Variants in CPS1 observed in about 807,000 individuals in gnomAD.
CPS1 encodes carbamoyl-phosphate synthase 1.
In CPS1, 109 loss-of-function variants were observed where a neutral mutation model predicts 174.6. The observed-to-expected ratio is 0.62, with a 90% CI of 0.53 to 0.73. CPS1 has a LOEUF of 0.73. Among genes scored for constraint, CPS1 ranks in the 30% least tolerant of loss-of-function variants. The pLI is 0.00. For synonymous variants in CPS1, 637 were observed against 632.0 expected, an observed-to-expected ratio of 1.01 and a Z score of -0.12; for missense variants, 1,689 against 1,821.9, an observed-to-expected ratio of 0.93 and a Z score of 1.33.
intron 1 of CPS1, among the ~76,000 whole-genome samples, chr2:210,489,976 T>G (rs6744045): frequency 2.0e-3 from 288 of 141,824 alleles, no homozygotes; most frequent in African/African-American, 7.5e-3. Flanking sequence ...CCAGCCTGGG[T>G]GACAGAGCGA....
chr2:210,621,998 C>T (rs1699544737), intron 21 of CPS1, among the ~76,000 whole-genome samples: 1 of 151,890 alleles, frequency 6.6e-6, no homozygotes, highest in African/African-American at 2.4e-5. Flanking sequence ...TCAGCAGTTT[C>T]CTCTACATCA....
Position 210,591,860 on chromosome 2 carries a change from C to A in CPS1, c.977C>A (p.Thr326Lys). The change falls in exon 10 of 38, where the codon ACA becomes AAA. Residue 326 changes from threonine to lysine, a missense_variant. Coordinates refer to ENST00000233072, the MANE Select transcript of CPS1 (RefSeq NM_001875.5). ...CAGAATCAGCCTGTTTTGAATATCA[C>A]AAACAAACAGGCTTTCATTACTGCT... ...RGQNQPVLNITNKQAFITAQN... is the reference protein window; with the variant it reads ...RGQNQPVLNIKNKQAFITAQN... 5 of 1,612,472 alleles carry A rather than the reference C, an allele frequency of 3.1e-6. No individual in the cohort carries two copies. The highest frequency in any genetic ancestry group is 4.2e-6 in the Non-Finnish European group (5 of 1,179,030).
chr2:210,482,615 G>A (rs1392072596), intron 1 of CPS1, among the ~76,000 whole-genome samples: 1 of 151,812 alleles, frequency 6.6e-6, no homozygotes, highest in Non-Finnish European at 1.5e-5. Flanking sequence ...ATCTTAATGT[G>A]ATTCTTTTGC....
chr2:210,519,658 C>G, intron 1 of CPS1: 1 of 646,350 alleles, frequency 1.5e-6, no homozygotes, highest in Non-Finnish European at 1.9e-6. Context: ...GCCTCGCTTG[C>G]ATCTAGACAC....
chr2:210,504,119 TA>T (rs1695217560), intron 1 of CPS1, among the ~76,000 whole-genome samples: 1 of 152,140 alleles, frequency 6.6e-6, no homozygotes, highest in South Asian at 2.1e-4. Context: ...TGCCAGGATA[TA>T]CCACTGTGCT....
intron 1 of CPS1, among the ~76,000 whole-genome samples, chr2:210,515,444 T>C (rs1695656975): frequency 6.6e-6 from 1 of 151,712 alleles, no homozygotes; most frequent in Non-Finnish European, 1.5e-5. Context: ...GATTGTGTGT[T>C]TCTAGGAATT....
Position 210,650,449 on chromosome 2 carries a change from A to G in CPS1, c.3480+11A>G, listed in dbSNP as rs777805663. The G allele has an allele frequency of 6.3e-7, 1 of 1,583,230 alleles. No homozygotes were observed. The highest frequency in any genetic ancestry group is 1.1e-5 in the South Asian group (1 of 90,378). On this transcript the variant is annotated intron_variant, in intron 28 of 37. Coordinates refer to ENST00000233072, the MANE Select transcript of CPS1 (RefSeq NM_001875.5). ...ACTAGAGTTTCTCAGGTAGTGTCCA[A>G]TTTCTTTGTAGTGACTGTTATCTCT...
At chr2:210,674,557 C>A in intron 34 of CPS1, 3 of 282,640 alleles carry the variant, frequency 1.1e-5, no homozygotes, top group Non-Finnish European at 2.0e-5. Context: ...TGGCTCCTAA[C>A]CCGCATATCT....
At chr2:210,613,558 A>ATGTG (rs144670698) in intron 20 of CPS1, among the ~76,000 whole-genome samples, 16 of 150,210 alleles carry the variant, frequency 1.1e-4, no homozygotes, top group African/African-American at 3.9e-4. Context: ...TGACATTCAT[A>ATGTG]TGTGTGTGTG....
intron 30 of CPS1, 147 bp downstream of exon 30, chr2:210,656,779 G>A (rs1700721925): frequency 1.5e-6 from 1 of 678,026 alleles, no homozygotes; most frequent in Admixed American, 2.6e-5. Flanking sequence ...CTTGCTCTGA[G>A]TCACCTGGGT....
chr2:210,555,625 G>T (rs978786577), upstream of CPS1: 1 of 455,490 alleles, frequency 2.2e-6, no homozygotes, highest in Non-Finnish European at 4.4e-6. Context: ...GTCATTTTCT[G>T]TCATCTTTTC....
At position 210,637,844 on chromosome 2, in the gene CPS1, G is replaced by C; in HGVS notation, c.2829+1G>C. ...AAACATCCACCCTTGGGTTAAACAG[G>C]TAAAGGAGTTTCCCTTTTCCCCCAT... On this transcript the variant is annotated splice_donor_variant, in intron 22 of 37. Transcript: ENST00000233072. LOFTEE classifies it high-confidence loss of function. 6.2e-7 allele frequency: 1 copy of C among 1,613,828 alleles called. No individual in the cohort carries two copies. Among genetic ancestry groups the C allele is most frequent in the Non-Finnish European group, 8.5e-7 (1 of 1,179,822 alleles).
intron 21 of CPS1, among the ~76,000 whole-genome samples, chr2:210,622,763 A>G (rs1450380654): frequency 5.6e-5 from 6 of 106,754 alleles, no homozygotes; most frequent in Non-Finnish European, 8.2e-5. Context: ...CAATCATGAT[A>G]CTTAAAAAAA....
At chr2:210,509,644 C>T (rs1695394488) in intron 1 of CPS1, among the ~76,000 whole-genome samples, 1 of 152,074 alleles carries the variant, frequency 6.6e-6, no homozygotes, top group African/African-American at 2.4e-5. Flanking sequence ...TCGTCTCAGC[C>T]CAAAATCTCC....
chr2:210,511,419 T>C (rs1330865212), intron 1 of CPS1, among the ~76,000 whole-genome samples: 4 of 151,890 alleles, frequency 2.6e-5, no homozygotes, highest in Non-Finnish European at 5.9e-5. Context: ...CATTAGGAGA[T>C]ATACCTAATG....
intron 1 of CPS1, among the ~76,000 whole-genome samples, chr2:210,558,227 A>G (rs1373917550): frequency 6.6e-6 from 1 of 152,088 alleles, no homozygotes; most frequent in East Asian, 1.9e-4. Flanking sequence ...ACATATTCCA[A>G]TGTATCCAAT....
At chr2:210,669,637 G>A (rs905567235) in intron 34 of CPS1, among the ~76,000 whole-genome samples, 3 of 152,098 alleles carry the variant, frequency 2.0e-5, no homozygotes, top group African/African-American at 4.8e-5. Flanking sequence ...GAAGGACGAC[G>A]GTGAATAGTT....
At chr2:210,632,551 G>A (rs528705801) in intron 21 of CPS1, among the ~76,000 whole-genome samples, 1 of 152,316 alleles carries the variant, frequency 6.6e-6, no homozygotes, top group South Asian at 2.1e-4. Context: ...AGAAAACAGA[G>A]GAGAGGAAAG....
intron 22 of CPS1, 30 bp from the exon 23 acceptor site, chr2:210,639,120 T>C (rs771037547): frequency 1.9e-6 from 3 of 1,563,514 alleles, no homozygotes; most frequent in Non-Finnish European, 2.6e-6. Context: ...AACATTCTTA[T>C]TTGTTTATTT....
Sources: gnomAD v4.1 joint callset for allele counts (sites outside exome capture counted in the v4.1 genomes callset) on GRCh38, gnomAD v4.1.1 for gene constraint, MANE v1.5 for transcripts, NCBI Gene and HGNC (gene_info 2026-07-23, HGNC 2026-07-21) for gene names.